The following FGD1 variants were observed in gnomAD, a reference collection of about 807,000 sequenced individuals.
The protein encoded by FGD1 is FYVE, RhoGEF and PH domain containing 1, also known as FYVE, RhoGEF and PH domain-containing protein 1.
In FGD1, 12 loss-of-function variants were observed where a neutral mutation model predicts 65.0. That is an observed-to-expected ratio of 0.18 (90% CI 0.12 to 0.30). The LOEUF is 0.30. Ranked by LOEUF, FGD1 falls within the 10% of genes least tolerant of loss-of-function variation. The pLI, the probability that FGD1 is intolerant of heterozygous loss-of-function variation, is 1.00. For synonymous variants in FGD1, 333 were observed against 343.9 expected, an observed-to-expected ratio of 0.97 and a Z score of 0.35; for missense variants, 542 against 837.6, an observed-to-expected ratio of 0.65 and a Z score of 4.36.
At chrX:54,458,540 CAAAAAAAAAA>C (rs774218099) in intron 8 of FGD1, among the ~76,000 whole-genome samples, 4 of 17,591 alleles carry the variant, frequency 2.3e-4, no homozygotes, top group Non-Finnish European at 4.5e-4. Flanking sequence ...GACTACGTCT[CAAAAAAAAAA>C]AAAAAAAAAA....
At chrX:54,477,356 C>A (rs752919603) in intron 1 of FGD1, among the ~76,000 whole-genome samples, 3 of 111,999 alleles carry the variant, frequency 2.7e-5, no homozygotes, top group African/African-American at 9.7e-5. Context: ...GCAACGAGGG[C>A]GAGCCTGTGG....
chrX:54,471,448 G>A lies in FGD1; in HGVS notation c.347C>T (p.Ser116Phe). The A allele has an allele frequency of 1.7e-6, 2 of 1,211,737 alleles. No individual in the cohort carries two copies. Among genetic ancestry groups the A allele is most frequent in the East Asian group, 3.0e-5 (1 of 33,845 alleles). Residue 116 changes from serine to phenylalanine, a missense_variant, in exon 2 of 18, where the codon TCC (serine) becomes TTC (phenylalanine). Around this residue, in one of 6 missense-constraint regions of FGD1, gnomAD observed 297 missense variants for 326.8 expected, o/e 0.91. Transcript: ENST00000375135. ...CTCTAGGCTTTGGCCAGGGTCAAGG[G>A]ACAAACTTTTAACCAGGATCCGGTT... The part of the protein sequence containing the change: ...QGNRILVKSL[S>F]LDPGQSLEPH...
At chrX:54,450,397 C>T in intron 12 of FGD1, 96 bp from the exon 13 acceptor site, 1 of 820,865 alleles carries the variant, frequency 1.2e-6, no homozygotes, top group Non-Finnish European at 1.8e-6. Context: ...TCAGAAAGAC[C>T]TGGGCTTGAC....
In FGD1 at chrX:54,458,495, C is replaced by T. The variant is rs1053805284; in HGVS notation, c.1637-1928G>A. Among the ~76,000 whole-genome samples, 30 of 100,215 alleles carry T rather than the reference C, an allele frequency of 3.0e-4. 1 individual carries two copies. Among genetic ancestry groups the T allele is most frequent in the Non-Finnish European group, 5.8e-4 (29 of 50,214 alleles). 87.0% of individuals were successfully genotyped at this position (100,215 alleles called of 115,157 possible). A position where few individuals can be genotyped will look rare whatever the true frequency, so the allele number is the denominator to read the frequency against. The stretch of plus-strand genomic sequence containing the variant: ...GGTGGAGGTTGCAGTGAGCCGAGAT[C>T]GCACCACTGCACTCCAGCCTGGGTG... On this transcript the variant is annotated intron_variant, in intron 8 of 17. Transcript: ENST00000375135.
intron 1 of FGD1, among the ~76,000 whole-genome samples, chrX:54,480,479 G>T (rs1170117655): frequency 1.8e-5 from 2 of 110,869 alleles, no homozygotes; most frequent in Non-Finnish European, 3.8e-5. Flanking sequence ...CTGTAGAGTG[G>T]GACAGTCTAA....
intron 1 of FGD1, among the ~76,000 whole-genome samples, chrX:54,477,459 C>A (rs746579343): frequency 9.2e-6 from 1 of 108,555 alleles, no homozygotes; most frequent in African/African-American, 3.4e-5. Context: ...GATGGACTTT[C>A]GCTCTTGTTA....
At chrX:54,476,985 G>C (rs942779527) in intron 1 of FGD1, among the ~76,000 whole-genome samples, 2 of 111,928 alleles carry the variant, frequency 1.8e-5, no homozygotes, top group African/African-American at 6.5e-5. Flanking sequence ...CACCAAATCT[G>C]ATAACACTTT....
intron 1 of FGD1, among the ~76,000 whole-genome samples, chrX:54,473,984 A>ATATAT (rs1557190000): frequency 7.9e-5 from 8 of 101,852 alleles, no homozygotes; most frequent in Non-Finnish European, 1.5e-4. Context: ...CATCTCAAAA[A>ATATAT]AAAAATATAT....
Position 54,455,538 on chromosome X carries a change from G to A in FGD1, c.1936-11C>T, listed in dbSNP as rs766088065. On this transcript the variant is annotated splice_polypyrimidine_tract_variant and intron_variant, in intron 11 of 17. Transcript: ENST00000375135. ...GGAGCTCTCCTTTAGCTGAATGGAGGCAGAAAGGGGCATGGTGAGGCCACT... is the reference window on the plus strand; with the variant it reads ...GGAGCTCTCCTTTAGCTGAATGGAGACAGAAAGGGGCATGGTGAGGCCACT... 8.5e-6 allele frequency: 10 copies of A among 1,182,899 alleles called. No homozygotes were observed. Among genetic ancestry groups the A allele is most frequent in the Admixed American group, 2.2e-5 (1 of 45,988 alleles).
chrX:54,461,399 G>A (rs1215307736), intron 8 of FGD1, among the ~76,000 whole-genome samples: 1 of 107,868 alleles, frequency 9.3e-6, no homozygotes, highest in African/African-American at 3.4e-5. Flanking sequence ...TCAGGAGTTC[G>A]AGACCAGCTT....
intron 1 of FGD1, among the ~76,000 whole-genome samples, chrX:54,493,569 G>T (rs896621558): frequency 2.7e-5 from 3 of 111,956 alleles, no homozygotes; most frequent in Non-Finnish European, 5.6e-5. Context: ...AAGCCAGGTG[G>T]AGGGCTAGGG....
At chrX:54,478,927 G>C (rs1251002368) in intron 1 of FGD1, among the ~76,000 whole-genome samples, 1 of 111,794 alleles carries the variant, frequency 8.9e-6, no homozygotes, top group East Asian at 2.8e-4. Context: ...CTGCAGATCA[G>C]GGCAGGATTC....
chrX:54,490,561 C>T (rs1476960702), intron 1 of FGD1, among the ~76,000 whole-genome samples: 1 of 110,683 alleles, frequency 9.0e-6, no homozygotes, highest in African/African-American at 3.3e-5. Flanking sequence ...GAAAACAGAC[C>T]AAAATATTAA....
intron 1 of FGD1, among the ~76,000 whole-genome samples, chrX:54,484,938 G>A (rs1336809374): frequency 8.9e-6 from 1 of 112,900 alleles, no homozygotes; most frequent in Non-Finnish European, 1.9e-5. Flanking sequence ...CCATGGCTTG[G>A]GTTTGTGTGG....
chrX:54,490,131 T>C (rs1923381924), intron 1 of FGD1, among the ~76,000 whole-genome samples: 1 of 111,765 alleles, frequency 8.9e-6, no homozygotes, highest in African/African-American at 3.3e-5. Flanking sequence ...GAGCTAAACA[T>C]TGAGTACATA....
chrX:54,465,094 T>A (rs1922731219), intron 8 of FGD1, among the ~76,000 whole-genome samples: 1 of 107,491 alleles, frequency 9.3e-6, no homozygotes, highest in Non-Finnish European at 1.9e-5. Flanking sequence ...AGGAAATGGA[T>A]GAGTTCCTTT....
chrX:54,448,919 TGTC>T lies in FGD1; in HGVS notation c.2320_2322del (p.Asp774del). The T allele has an allele frequency of 8.3e-7, 1 of 1,211,572 alleles. No individual in the cohort carries two copies. The highest frequency in any genetic ancestry group is 1.1e-6 in the Non-Finnish European group (1 of 895,402). On this transcript the variant is annotated inframe_deletion, in exon 16 of 18. Transcript: ENST00000375135. ...GTGCACACACGGTTGGAGCGGTTGTTGTCATAGACGAGGCGGGCCCGGAACTCG... is the reference window on the plus strand; with the variant it reads ...GTGCACACACGGTTGGAGCGGTTGTTATAGACGAGGCGGGCCCGGAACTCG...
intron 1 of FGD1, among the ~76,000 whole-genome samples, chrX:54,479,795 A>AC (rs1339451501): frequency 2.8e-5 from 3 of 108,798 alleles, no homozygotes; most frequent in Non-Finnish European, 5.7e-5. Flanking sequence ...AAAAAAAAAA[A>AC]AAAAGCCATA....
At chrX:54,456,392 C>T (rs1265666149) in intron 9 of FGD1, 26 bp from the exon 10 acceptor site, 1 of 1,211,552 alleles carries the variant, frequency 8.3e-7, no homozygotes. Context: ...GAACAAAAGG[C>T]ACGGTTGGGG....
Sources: gnomAD v4.1 joint callset for allele counts (sites outside exome capture counted in the v4.1 genomes callset) on GRCh38, gnomAD v4.1.1 for gene constraint, gnomAD v4.1.1 regional missense constraint, MANE v1.5 for transcripts, NCBI Gene and HGNC (gene_info 2026-07-23, HGNC 2026-07-21) for gene names.